DEPDC4: variants seen among roughly 807,000 people sequenced by gnomAD.
The protein encoded by DEPDC4 is DEP domain containing 4, also known as DEP domain-containing protein 4.
A neutral mutation model predicts 52.0 loss-of-function variants in DEPDC4; 52 were observed. The ratio of observed to expected loss-of-function variants is 1.00; its 90% CI spans 0.80 to 1.26. The LOEUF (loss-of-function observed/expected upper bound fraction) is 1.26. Ranked by LOEUF, DEPDC4 falls within the 50% of genes most tolerant of loss-of-function variation. DEPDC4 has a pLI of 0.00. For synonymous variants in DEPDC4, 201 were observed against 196.8 expected, an observed-to-expected ratio of 1.02 and a Z score of -0.18; for missense variants, 530 against 546.9, an observed-to-expected ratio of 0.97 and a Z score of 0.31.
chr12:100,267,083 G>GT, upstream of DEPDC4: 1 of 1,611,390 alleles, frequency 6.2e-7, no homozygotes, highest in East Asian at 2.2e-5. Context: ...CCATAGCCCC[G>GT]CCCCACCTGA....
chr12:100,271,372 C>T (rs916447980), upstream of DEPDC4, among the ~76,000 whole-genome samples: 1 of 151,816 alleles, frequency 6.6e-6, no homozygotes. Context: ...TATTTTCCCC[C>T]AGATTTTGTG....
At chr12:100,262,551 A>T in intron 2 of DEPDC4, 142 bp from the exon 3 acceptor site, 1 of 565,296 alleles carries the variant, frequency 1.8e-6, no homozygotes, top group Non-Finnish European at 2.7e-6. Context: ...AAAAGATGCA[A>T]ATAATTCATT....
Position 100,252,239 on chromosome 12 carries a change from T to C in DEPDC4, c.1311A>G (p.Leu437=). ...LAKSVLQAKS[L]LKVRAEQLVW... ...CCAGTTGTTCTGCCCGCACTTTTAA[T>C]AATGATTTGGCTTGCAAAACTGATT... is the stretch of plus-strand genomic sequence containing the variant. The change falls in exon 7 of 10, where the codon TTA becomes TTG. Residue 437 remains leucine, a synonymous_variant. Coordinates refer to ENST00000550587, the MANE Select transcript of DEPDC4 (RefSeq NM_001364818.2). 3 of 1,351,704 alleles carry C rather than the reference T, an allele frequency of 2.2e-6. No individual in the cohort carries two copies. The highest frequency in any genetic ancestry group is 2.9e-6 in the Non-Finnish European group (3 of 1,046,798). 83.7% of individuals were successfully genotyped at this position (1,351,704 alleles called of 1,614,324 possible). A position where few individuals can be genotyped will look rare whatever the true frequency, so the allele number is the denominator to read the frequency against.
chr12:100,235,871 G>A (rs1054200978), downstream of DEPDC4, among the ~76,000 whole-genome samples: 12 of 152,140 alleles, frequency 7.9e-5, no homozygotes, highest in Non-Finnish European at 7.3e-5. Context: ...ACCATGCCTG[G>A]CCCACTGTAT....
intron 8 of DEPDC4, among the ~76,000 whole-genome samples, chr12:100,247,595 T>C (rs2153906532): frequency 6.6e-6 from 1 of 152,248 alleles, no homozygotes; most frequent in East Asian, 1.9e-4. Flanking sequence ...AAGTTGAATG[T>C]GAAAAGATAA....
At chr12:100,256,756 C>T (rs1393316952) in intron 3 of DEPDC4, among the ~76,000 whole-genome samples, 1 of 151,898 alleles carries the variant, frequency 6.6e-6, no homozygotes, top group Non-Finnish European at 1.5e-5. Flanking sequence ...ATTCTCCTGC[C>T]TCAGCCTCCT....
At chr12:100,278,273 C>A in the DEPDC4 span, among the ~76,000 whole-genome samples, 5 of 151,984 alleles carry the variant, frequency 3.3e-5, no homozygotes, top group Admixed American at 2.0e-4. Flanking sequence ...AATCACAACT[C>A]ACTGCAGCCT....
downstream of DEPDC4, among the ~76,000 whole-genome samples, chr12:100,237,493 C>A (rs2096143228): frequency 6.6e-6 from 1 of 152,162 alleles, no homozygotes; most frequent in Admixed American, 6.5e-5. Flanking sequence ...CAGGTGTGAG[C>A]CACTGCACCT....
chr12:100,239,770 A>C (rs1284280172), downstream of DEPDC4, among the ~76,000 whole-genome samples: 1 of 151,648 alleles, frequency 6.6e-6, no homozygotes, highest in Non-Finnish European at 1.5e-5. Context: ...AGCCAGGCAC[A>C]GTGGCTCACA....
chr12:100,264,236 T>C (rs1248493820), intron 1 of DEPDC4, among the ~76,000 whole-genome samples: 2 of 152,226 alleles, frequency 1.3e-5, no homozygotes, highest in South Asian at 2.1e-4. Flanking sequence ...CACTTGAGTA[T>C]TGATTATTAC....
upstream of DEPDC4, among the ~76,000 whole-genome samples, chr12:100,267,959 A>G (rs1220812659): frequency 6.6e-6 from 1 of 152,192 alleles, no homozygotes; most frequent in Non-Finnish European, 1.5e-5. Flanking sequence ...AAAAAACCCC[A>G]CGGTTACTCC....
intron 9 of DEPDC4, among the ~76,000 whole-genome samples, chr12:100,231,817 C>CACACTACA (rs1235931689): frequency 6.6e-6 from 1 of 151,862 alleles, no homozygotes; most frequent in Non-Finnish European, 1.5e-5. Flanking sequence ...TGGTGGGTCA[C>CACACTACA]GCTTGTAGTA....
chr12:100,258,356 A>AG (rs1193267229), intron 3 of DEPDC4, among the ~76,000 whole-genome samples: 2 of 152,206 alleles, frequency 1.3e-5, no homozygotes, highest in Non-Finnish European at 2.9e-5. Context: ...GGACTAGTTA[A>AG]GAAGGTCCAA....
At position 100,253,640 on chromosome 12, in the gene DEPDC4, C is replaced by G; in HGVS notation, c.954G>C (p.Gln318His). Residue 318 changes from glutamine to histidine, a missense_variant, in exon 5 of 10, where the codon CAG becomes CAC. By Grantham distance (24) the Gln-to-His change is conservative. Coordinates refer to ENST00000550587, the MANE Select transcript of DEPDC4 (RefSeq NM_001364818.2). ...FPDQLIVTVS[Q>H]QLMQNRNEET... ...CTTCATTTCTGTTTTGCATTAACTG[C>G]TGACTAACTGTAACTATTAACTGGT... 1 of 1,289,808 alleles carries G rather than the reference C, an allele frequency of 7.8e-7. No individual in the cohort carries two copies. Among genetic ancestry groups the G allele is most frequent in the Non-Finnish European group, 1.0e-6 (1 of 988,884 alleles). The allele number at this position is 1,289,808 out of a possible 1,614,324, so 79.9% of individuals were successfully genotyped here.
intron 8 of DEPDC4, among the ~76,000 whole-genome samples, chr12:100,246,644 T>C (rs1156916549): frequency 6.6e-6 from 1 of 152,114 alleles, no homozygotes; most frequent in Admixed American, 6.6e-5. Flanking sequence ...CTCATGAATT[T>C]CAAGTAATCA....
chr12:100,274,043 A>G, the DEPDC4 span, among the ~76,000 whole-genome samples: 1 of 152,218 alleles, frequency 6.6e-6, no homozygotes, highest in African/African-American at 2.4e-5. Context: ...ATGTTTTCAT[A>G]ATGCCAGTAG....
upstream of DEPDC4, among the ~76,000 whole-genome samples, chr12:100,268,727 T>C (rs573529814): frequency 3.1e-4 from 47 of 152,312 alleles, no homozygotes; most frequent in South Asian, 7.7e-3. Flanking sequence ...TAACTACTCA[T>C]ATTCACATGT....
chr12:100,266,892 C>A (rs535016652), intron 1 of DEPDC4, 28 bp downstream of exon 1: 1 of 1,601,156 alleles, frequency 6.2e-7, no homozygotes, highest in South Asian at 1.1e-5. Flanking sequence ...ACCTTCACTG[C>A]ACATTTGGCT....
At chr12:100,259,148 G>C (rs1049253184) in intron 3 of DEPDC4, among the ~76,000 whole-genome samples, 4 of 151,566 alleles carry the variant, frequency 2.6e-5, no homozygotes, top group Non-Finnish European at 4.4e-5. Flanking sequence ...ACTAAAATCA[G>C]CAGTAAACAA....
Sources: allele counts gnomAD v4.1 joint callset (sites outside exome capture counted in the v4.1 genomes callset), GRCh38; gene constraint gnomAD v4.1.1; transcripts MANE v1.5; gene names NCBI Gene and HGNC (gene_info 2026-07-23, HGNC 2026-07-21).